The following MYO19 variants were observed in gnomAD, a reference collection of about 807,000 sequenced individuals.
MYO19 encodes the protein myosin XIX, also known as unconventional myosin-XIX.
Under a neutral mutation model 129.2 loss-of-function variants are expected in MYO19, and 132 were observed. The ratio of observed to expected loss-of-function variants is 1.02; its 90% confidence interval spans 0.89 to 1.18. MYO19 has a LOEUF of 1.18. MYO19 is among the 50% of genes most tolerant of loss of function. The probability of loss-of-function intolerance (pLI) is 0.00; values close to 1 mark genes in which losing one functional copy is unlikely to be tolerated. For missense variants in MYO19, 1,210 were observed against 1,216.7 expected, an observed-to-expected ratio of 0.99 and a Z score of 0.08; for synonymous variants, 531 against 477.2, an observed-to-expected ratio of 1.11 and a Z score of -1.47.
intron 3 of MYO19, among the ~76,000 whole-genome samples, chr17:36,530,903 G>A (rs1567794512): frequency 6.6e-6 from 1 of 152,088 alleles, no homozygotes; most frequent in East Asian, 1.9e-4. Context: ...TTACAGGCAT[G>A]AGCCACCGTG....
At chr17:36,503,789 C>T (rs187117395) in intron 20 of MYO19, among the ~76,000 whole-genome samples, 161 bp downstream of exon 20, 12 of 152,346 alleles carry the variant, frequency 7.9e-5, no homozygotes, top group Admixed American at 5.9e-4. Flanking sequence ...AATGGATGAA[C>T]GAATGGGTGC....
chr17:36,542,429 T>C (rs1045770993), intron 1 of MYO19, among the ~76,000 whole-genome samples: 5 of 152,052 alleles, frequency 3.3e-5, no homozygotes, highest in Admixed American at 1.3e-4. Flanking sequence ...GCTGGGCACG[T>C]TGGCTCACGC....
rs769258754 is a variant in MYO19, at chr17:36,513,696, C to G, written c.750G>C (p.Arg250Ser). ...QICKGASEDE[R>S]LQWHLPEGAA... The stretch of plus-strand genomic sequence containing the variant: ...CTCCCTCAGGAAGGTGCCACTGGAG[C>G]CTCTCGTCCTCACTGGCTCCTTTGC... Residue 250 changes from arginine to serine, a missense_variant, in exon 10 of 26, where the codon AGG becomes AGC. Physicochemically the swap from Arg to Ser is moderately radical, Grantham distance 110. Transcript: ENST00000614623. 8 of 1,613,670 alleles carry G rather than the reference C, an allele frequency of 5.0e-6. No individual in the cohort carries two copies. Among genetic ancestry groups the G allele is most frequent in the Middle Eastern group, 1.7e-4 (1 of 6,032 alleles).
chr17:36,499,693 T>C (rs1238614648), intron 23 of MYO19: 1 of 140,442 alleles, frequency 7.1e-6, no homozygotes, highest in East Asian at 2.0e-4. Context: ...TTTTTTTTTT[T>C]GAGACAGGGT....
intron 5 of MYO19, 43 bp from the exon 6 acceptor site, chr17:36,525,384 T>C (rs745688065): frequency 1.4e-6 from 2 of 1,380,050 alleles, no homozygotes; most frequent in Admixed American, 3.4e-5. Flanking sequence ...GGAATGCCTG[T>C]TTTTCAATGA....
At chr17:36,511,112 AGT>A (rs1427570424) in intron 12 of MYO19, 195 bp from the exon 13 acceptor site, 4 of 683,078 alleles carry the variant, frequency 5.9e-6, no homozygotes, top group Non-Finnish European at 9.7e-6. Flanking sequence ...TTCATGTACC[AGT>A]CCATGCTGCC....
chr17:36,502,831 C>G, intron 21 of MYO19: 1 of 530,302 alleles, frequency 1.9e-6, no homozygotes, highest in Non-Finnish European at 3.4e-6. Context: ...CCTGGCTAAT[C>G]CAATTTATTC....
Position 36,495,831 on chromosome 17 carries a change from C to G in MYO19, c.*420G>C. 8.1e-7 allele frequency: 1 copy of G among 1,240,806 alleles called. No homozygotes were observed. The highest frequency in any genetic ancestry group is 4.1e-5 in the South Asian group (1 of 24,682). 76.9% of individuals were successfully genotyped at this position (1,240,806 alleles called of 1,614,324 possible). A position where few individuals can be genotyped will look rare whatever the true frequency, so the allele number is the denominator to read the frequency against. On this transcript the variant is annotated 3_prime_UTR_variant, in exon 26 of 26. Transcript: ENST00000614623. Reference sequence around the variant, plus strand: ...ACTAATTAAATACTAAAGTTTTGTTCCTTTTTAAAGGAAATAACCACAAGA... The same window carrying G: ...ACTAATTAAATACTAAAGTTTTGTTGCTTTTTAAAGGAAATAACCACAAGA...
chr17:36,511,072 A>C, intron 12 of MYO19, 155 bp from the exon 13 acceptor site: 1 of 893,322 alleles, frequency 1.1e-6, no homozygotes, highest in Non-Finnish European at 1.7e-6. Flanking sequence ...AGGACTCCAT[A>C]AACAGCAGTC....
chr17:36,511,041 T>C, intron 12 of MYO19, 124 bp from the exon 13 acceptor site: 1 of 1,166,908 alleles, frequency 8.6e-7, no homozygotes, highest in Non-Finnish European at 1.2e-6. Flanking sequence ...TAAGTTCTGA[T>C]CAGTGAAGTG....
In MYO19 at chr17:36,505,491, C is replaced by T. The variant is rs73276777; in HGVS notation, c.1798-87G>A. 974 of 906,642 alleles carry T rather than the reference C, an allele frequency of 1.1e-3. 12 individuals carry two copies. The African/African-American group carries it at 0.015, about 14-fold the overall frequency. The allele number at this position is 906,642 out of a possible 1,614,324, so 56.2% of individuals were successfully genotyped here. A position where few individuals can be genotyped will look rare whatever the true frequency, so the allele number is the denominator to read the frequency against. ...CTCTGGTTAGTAACTACATCAAATG[C>T]CTCCAGCGGGCCCTTCCATGATCCT... On this transcript the variant is annotated intron_variant, in intron 18 of 25. Coordinates refer to ENST00000614623, the MANE Select transcript of MYO19 (RefSeq NM_001163735.2).
chr17:36,518,978 T>C (rs1005209043), intron 6 of MYO19, among the ~76,000 whole-genome samples: 1 of 152,200 alleles, frequency 6.6e-6, no homozygotes, highest in African/African-American at 2.4e-5. Context: ...TTTTAATCTT[T>C]TTGTTTTTTG....
At chr17:36,538,575 T>C (rs2074175767), upstream of MYO19, 1 of 1,612,976 alleles carries the variant, frequency 6.2e-7, no homozygotes, top group Non-Finnish European at 8.5e-7. Flanking sequence ...TTTAATTGTA[T>C]ATGTACTATA....
In MYO19 at chr17:36,498,376, T is replaced by A; in HGVS notation, c.2647A>T (p.Lys883Ter). ...TGGAGGCAAGCCCAGACCACTAATT[T>A]CCTCTGAAAGCTGCCTACACCCATA... Reference protein sequence around the residue: ...TAMGVGSFQRKLVVWACLQLP... With the variant: ...TAMGVGSFQR Residue 883 changes from lysine (K) to a stop codon, truncating the protein, a stop_gained, in exon 25 of 26, where the codon AAA becomes TAA. Transcript: ENST00000614623. LOFTEE classifies it high-confidence loss of function. The A allele has an allele frequency of 6.2e-7, 1 of 1,613,928 alleles. No individual in the cohort carries two copies. The highest frequency in any genetic ancestry group is 8.5e-7 in the Non-Finnish European group (1 of 1,179,876).
At chr17:36,539,278 T>A (rs2074182773), upstream of MYO19, 1 of 167,084 alleles carries the variant, frequency 6.0e-6, no homozygotes, top group Admixed American at 6.5e-5. Flanking sequence ...TAAAATGAAA[T>A]GTTTATGTTG....
intron 23 of MYO19, chr17:36,500,224 A>AT (rs2071414038): frequency 6.6e-6 from 1 of 152,336 alleles, no homozygotes; most frequent in Non-Finnish European, 1.5e-5. Flanking sequence ...ATCGCCCTTA[A>AT]TATGTAGTTT....
chr17:36,535,060 A>G (rs2074054743), upstream of MYO19: 1 of 152,194 alleles, frequency 6.6e-6, no homozygotes, highest in Admixed American at 6.5e-5. Flanking sequence ...CTACGGTGAG[A>G]TGTTTTGCGA....
intron 23 of MYO19, 156 bp downstream of exon 23, chr17:36,500,674 G>A (rs2071453207): frequency 9.5e-7 from 1 of 1,054,588 alleles, no homozygotes; most frequent in Non-Finnish European, 1.3e-6. Flanking sequence ...TTATGAGTGA[G>A]GGGGACAGGG....
upstream of MYO19, chr17:36,537,393 T>C (rs144724068): frequency 1.7e-5 from 27 of 1,613,946 alleles, no homozygotes; most frequent in Non-Finnish European, 2.3e-5. Context: ...GTATCAAATA[T>C]ACCGAAGGAG....
Sources: gnomAD v4.1 joint callset for allele counts (sites outside exome capture counted in the v4.1 genomes callset) on GRCh38, gnomAD v4.1.1 for gene constraint, MANE v1.5 for transcripts, NCBI Gene and HGNC (gene_info 2026-07-23, HGNC 2026-07-21) for gene names.